DGKB: variants seen among roughly 807,000 people sequenced by gnomAD.
DGKB encodes diacylglycerol kinase beta.
A neutral mutation model predicts 114.3 loss-of-function variants in DGKB; 67 were observed. The observed-to-expected ratio is 0.59, with a 90% CI of 0.48 to 0.72. The LOEUF (loss-of-function observed/expected upper bound fraction) is 0.72. Among genes scored for constraint, DGKB ranks in the 30% least tolerant of loss-of-function variants. The probability of loss-of-function intolerance (pLI) is 0.00; values close to 1 mark genes in which losing one functional copy is unlikely to be tolerated. For synonymous variants in DGKB, 398 were observed against 323.1 expected, an observed-to-expected ratio of 1.23 and a Z score of -2.49; for missense variants, 907 against 975.2, an observed-to-expected ratio of 0.93 and a Z score of 0.93.
chr7:14,665,150 A>G (rs901576455), intron 13 of DGKB, among the ~76,000 whole-genome samples: 2 of 151,988 alleles, frequency 1.3e-5, no homozygotes, highest in African/African-American at 4.8e-5. Flanking sequence ...TGATATTGAT[A>G]TGAAAAAAAG....
chr7:14,692,194 C>CA (rs1039081022), intron 9 of DGKB, among the ~76,000 whole-genome samples: 7 of 151,812 alleles, frequency 4.6e-5, no homozygotes, highest in African/African-American at 1.7e-4. Flanking sequence ...ATCATCATTT[C>CA]AAAAAATCTC....
At chr7:14,760,978 T>A (rs1334731028) in intron 2 of DGKB, among the ~76,000 whole-genome samples, 2 of 152,200 alleles carry the variant, frequency 1.3e-5, no homozygotes, top group East Asian at 3.8e-4. Flanking sequence ...GCCCTTTCCA[T>A]GAACTAGGGC....
In DGKB at chr7:14,145,847, A is replaced by G. The variant is rs899657427; in HGVS notation, c.*3284T>C. ...TCAAAATCTTGTCTCATTCAAGAAT[A>G]CAGTGTGAGATTCAAGGAGAATACA... On this transcript the variant is annotated 3_prime_UTR_variant, in exon 26 of 26. Transcript: ENST00000402815. The G allele has an allele frequency of 1.3e-5, 2 of 152,236 alleles. No homozygotes were observed. Among genetic ancestry groups the G allele is most frequent in the Non-Finnish European group, 2.9e-5 (2 of 68,052 alleles). 9.4% of individuals were successfully genotyped at this position (152,236 alleles called of 1,614,324 possible). A position where few individuals can be genotyped will look rare whatever the true frequency, so the allele number is the denominator to read the frequency against.
intron 1 of DGKB, among the ~76,000 whole-genome samples, chr7:14,956,618 T>C (rs1562902546): frequency 6.6e-6 from 1 of 152,074 alleles, no homozygotes; most frequent in African/African-American, 2.4e-5. Context: ...AGACAGCTTC[T>C]TAACCTCTAG....
At chr7:14,257,402 A>G (rs989276987) in intron 23 of DGKB, among the ~76,000 whole-genome samples, 1 of 152,132 alleles carries the variant, frequency 6.6e-6, no homozygotes, top group African/African-American at 2.4e-5. Flanking sequence ...TCTGAGTAGC[A>G]TAACCAAATA....
In DGKB at chr7:14,787,362, G is replaced by C. The variant is rs1840049997; in HGVS notation, c.71-29631C>G. Among the ~76,000 whole-genome samples the C allele has an allele frequency of 3.3e-5, 5 of 152,270 alleles. No individual in the cohort carries two copies. The South Asian group carries it at 8.3e-4, about 25-fold the overall frequency. ...CTACTTATTACACAGAAATCTGCAA[G>C]AGAATGTCACCCCTATCAAACAGAA... On this transcript the variant is annotated intron_variant, in intron 2 of 25. Coordinates refer to ENST00000402815, the MANE Select transcript of DGKB (RefSeq NM_001350709.2).
intron 23 of DGKB, among the ~76,000 whole-genome samples, chr7:14,331,838 G>A (rs927980407): frequency 3.9e-5 from 6 of 152,030 alleles, no homozygotes; most frequent in Admixed American, 1.3e-4. Context: ...CATAATTTCT[G>A]GGAGTTAAAA....
At chr7:14,970,331 G>C (rs917289945) in intron 1 of DGKB, among the ~76,000 whole-genome samples, 1 of 152,014 alleles carries the variant, frequency 6.6e-6, no homozygotes, top group African/African-American at 2.4e-5. Flanking sequence ...CACTTCCTAA[G>C]AGGGAACTAG....
At chr7:14,276,270 A>G (rs956389074) in intron 23 of DGKB, among the ~76,000 whole-genome samples, 1 of 152,190 alleles carries the variant, frequency 6.6e-6, no homozygotes, top group African/African-American at 2.4e-5. Flanking sequence ...TTGCAGAACT[A>G]TATATTTTCT....
chr7:14,265,747 T>A (rs1187866647), intron 23 of DGKB, among the ~76,000 whole-genome samples: 3 of 152,200 alleles, frequency 2.0e-5, no homozygotes, highest in African/African-American at 7.2e-5. Flanking sequence ...GACAACAGTA[T>A]CTGGCACATA....
At chr7:14,718,426 T>C in intron 6 of DGKB, 116 bp downstream of exon 6, 1 of 822,034 alleles carries the variant, frequency 1.2e-6, no homozygotes, top group East Asian at 3.1e-5. Context: ...TTAAGCAGGA[T>C]CACTTTATTC....
At chr7:14,554,629 TGTG>T (rs1335204368) in intron 20 of DGKB, among the ~76,000 whole-genome samples, 2 of 152,216 alleles carry the variant, frequency 1.3e-5, no homozygotes, top group East Asian at 1.9e-4. Flanking sequence ...ACAATATGGA[TGTG>T]GTGATTTTTC....
rs563026112 is a variant in DGKB, at chr7:14,525,099, A to AT, written c.1771-46875dup. On this transcript the variant is annotated intron_variant, in intron 20 of 25. Transcript: ENST00000402815. Reference sequence around the variant, plus strand: ...AGGCTTCCATAATAAAAAGTTTGGGATTTTTTTTTGAACTATTGGTACTTT... The same window carrying AT: ...AGGCTTCCATAATAAAAAGTTTGGGATTTTTTTTTTGAACTATTGGTACTTT... Among the ~76,000 whole-genome samples the AT allele has an allele frequency of 8.5e-3, 1,285 of 151,354 alleles. 13 individuals carry two copies. The highest frequency in any genetic ancestry group is 0.021 in the Middle Eastern group (6 of 292).
At chr7:14,471,803 T>C (rs1781451455) in intron 21 of DGKB, among the ~76,000 whole-genome samples, 1 of 151,984 alleles carries the variant, frequency 6.6e-6, no homozygotes, top group Admixed American at 6.6e-5. Context: ...AGAAGATAAA[T>C]ATACCATGAA....
chr7:14,864,905 A>C (rs1453088389), intron 1 of DGKB, among the ~76,000 whole-genome samples: 1 of 152,106 alleles, frequency 6.6e-6, no homozygotes, highest in African/African-American at 2.4e-5. Flanking sequence ...GGTTTCATTC[A>C]TTTTCCAGAC....
intron 23 of DGKB, among the ~76,000 whole-genome samples, chr7:14,272,871 G>GA (rs796266728): frequency 2.0e-5 from 3 of 151,702 alleles, no homozygotes; most frequent in Admixed American, 6.6e-5. Context: ...AGTTTGAAAG[G>GA]AAAAAAAAGA....
At chr7:14,695,524 G>A (rs558809154) in intron 8 of DGKB, among the ~76,000 whole-genome samples, 830 of 34,594 alleles carry the variant, frequency 0.024, 13 homozygotes, top group African/African-American at 0.1. Flanking sequence ...TTTTGAGATG[G>A]AGTCTCACTC....
intron 1 of DGKB, among the ~76,000 whole-genome samples, chr7:14,953,253 A>C (rs981838400): frequency 1.7e-4 from 26 of 152,176 alleles, no homozygotes; most frequent in African/African-American, 6.3e-4. Context: ...GAACATCATC[A>C]AAAAAACTGA....
At chr7:14,453,788 A>C (rs987447) in intron 21 of DGKB, among the ~76,000 whole-genome samples, 32 of 152,250 alleles carry the variant, frequency 2.1e-4, no homozygotes, top group Non-Finnish European at 3.8e-4. Flanking sequence ...AATGCAGCCA[A>C]AGATAGCAGA....
Sources: gnomAD v4.1 joint callset for allele counts (sites outside exome capture counted in the v4.1 genomes callset) on GRCh38, gnomAD v4.1.1 for gene constraint, MANE v1.5 for transcripts, NCBI Gene and HGNC (gene_info 2026-07-23, HGNC 2026-07-21) for gene names.